Variants in CFAP92 observed in about 807,000 individuals in gnomAD.
CFAP92 encodes the protein uncharacterized protein CFAP92.
In CFAP92, 86 loss-of-function variants were observed where a neutral mutation model predicts 106.3. The observed-to-expected ratio is 0.81, with a 90% confidence interval of 0.68 to 0.97. The LOEUF is 0.97. Ranked by LOEUF, CFAP92 falls within the 50% of genes least tolerant of loss-of-function variation. CFAP92 has a pLI of 0.00. For missense variants in CFAP92, 1,204 were observed against 1,283.8 expected, an observed-to-expected ratio of 0.94 and a Z score of 0.95; for synonymous variants, 477 against 506.4, an observed-to-expected ratio of 0.94 and a Z score of 0.78.
At chr3:129,018,684 G>T in the CFAP92 span, among the ~76,000 whole-genome samples, 1 of 152,182 alleles carries the variant, frequency 6.6e-6, no homozygotes, top group East Asian at 1.9e-4. Flanking sequence ...ACTGGGCAGG[G>T]GCAGGGATGG....
chr3:128,938,896 G>A (rs1480241791), intron 10 of CFAP92, among the ~76,000 whole-genome samples: 1 of 152,024 alleles, frequency 6.6e-6, no homozygotes, highest in East Asian at 1.9e-4. Context: ...ATGACATGAT[G>A]GTCAGTGTAG....
chr3:129,021,064 C>T, the CFAP92 span, among the ~76,000 whole-genome samples: 1 of 152,148 alleles, frequency 6.6e-6, no homozygotes, highest in Non-Finnish European at 1.5e-5. Context: ...GAGGGTTTGC[C>T]TCAGTGACTG....
intron 12 of CFAP92, among the ~76,000 whole-genome samples, chr3:128,929,073 A>C (rs886130030): frequency 5.3e-5 from 8 of 152,226 alleles, no homozygotes; most frequent in Non-Finnish European, 4.4e-5. Flanking sequence ...AGCCTGGGTA[A>C]CACAGTGAGA....
chr3:128,982,531 G>A (rs115018821), intron 4 of CFAP92, among the ~76,000 whole-genome samples: 3,080 of 152,288 alleles, frequency 0.02, 117 homozygotes, highest in African/African-American at 0.07. Flanking sequence ...GGAGTAGCAC[G>A]TTTAACTTCC....
the CFAP92 span, among the ~76,000 whole-genome samples, chr3:129,015,421 G>T: frequency 1.8e-4 from 28 of 151,986 alleles, no homozygotes; most frequent in Non-Finnish European, 2.5e-4. Context: ...TGCTCCTTCG[G>T]GGGGGGAGGT....
chr3:128,960,448 C>T (rs1238593658), intron 9 of CFAP92, among the ~76,000 whole-genome samples: 1 of 152,220 alleles, frequency 6.6e-6, no homozygotes, highest in Non-Finnish European at 1.5e-5. Context: ...CACTATCCCT[C>T]AACCTCTTTC....
intron 7 of CFAP92, among the ~76,000 whole-genome samples, chr3:128,973,789 C>T (rs1401102167): frequency 6.6e-6 from 1 of 152,172 alleles, no homozygotes; most frequent in Non-Finnish European, 1.5e-5. Flanking sequence ...CATGTGTGCC[C>T]AGATGCTCAC....
chr3:128,911,110 G>A (rs2107667671), intron 15 of CFAP92, among the ~76,000 whole-genome samples: 1 of 152,358 alleles, frequency 6.6e-6, no homozygotes, highest in Non-Finnish European at 1.5e-5. Flanking sequence ...AAGCTGGAGT[G>A]TAATGGCGCA....
chr3:128,983,935 G>A (rs573026388), intron 4 of CFAP92, among the ~76,000 whole-genome samples: 1 of 152,360 alleles, frequency 6.6e-6, no homozygotes, highest in African/African-American at 2.4e-5. Context: ...CCGAAGGGGA[G>A]ACAGAGAAAG....
In CFAP92 at chr3:128,945,654, T is replaced by A; in HGVS notation, c.1675A>T (p.Met559Leu). 4 of 1,536,078 alleles carry A rather than the reference T, an allele frequency of 2.6e-6. No homozygotes were observed. Among genetic ancestry groups the A allele is most frequent in the Non-Finnish European group, 2.6e-6 (3 of 1,146,916 alleles). The stretch of plus-strand genomic sequence containing the variant: ...TGGGCGATGCCATAAGGGTACCACA[T>A]CTTGTTCTGGGACTCAAAGGGGTTG... ...ENNPFESQNK[M>L]WYPYGIAQVS... The change falls in exon 10 of 16, where the codon ATG (methionine) becomes TTG (leucine). Residue 559 changes from methionine to leucine, a missense_variant. Physicochemically the swap from Met to Leu is conservative, Grantham distance 15. Transcript: ENST00000645291.
the CFAP92 span, among the ~76,000 whole-genome samples, chr3:129,007,917 A>G: frequency 6.6e-6 from 1 of 152,106 alleles, no homozygotes; most frequent in Admixed American, 6.5e-5. Context: ...TCTCTTGTGG[A>G]TTGCTGTAAT....
chr3:129,018,818 C>T, the CFAP92 span, among the ~76,000 whole-genome samples: 1 of 152,256 alleles, frequency 6.6e-6, no homozygotes, highest in South Asian at 2.1e-4. Context: ...CTGTTTGCAC[C>T]CCATTGGCGG....
intron 15 of CFAP92, among the ~76,000 whole-genome samples, chr3:128,911,456 CAT>C (rs1363017167): frequency 6.6e-6 from 1 of 151,864 alleles, no homozygotes; most frequent in Non-Finnish European, 1.5e-5. Context: ...TTTTTGGAGA[CAT>C]AGTCTCACTT....
intron 9 of CFAP92, among the ~76,000 whole-genome samples, chr3:128,956,420 T>C (rs1941427242): frequency 1.3e-5 from 2 of 151,876 alleles, no homozygotes; most frequent in South Asian, 4.2e-4. Flanking sequence ...ATGGCTAAAA[T>C]TTTCTCAAAT....
At chr3:129,002,298 A>G in intron 1 of CFAP92, 2 of 1,526,692 alleles carry the variant, frequency 1.3e-6, no homozygotes, top group Non-Finnish European at 1.7e-6. Flanking sequence ...GCTGCAGAGC[A>G]GTGATGCGCG....
intron 10 of CFAP92, among the ~76,000 whole-genome samples, chr3:128,944,317 C>T (rs1262387883): frequency 6.6e-6 from 1 of 152,108 alleles, no homozygotes; most frequent in African/African-American, 2.4e-5. Flanking sequence ...TTTCACTTCT[C>T]CTGGGCTTAT....
chr3:128,963,286 G>A (rs866620642), intron 9 of CFAP92, among the ~76,000 whole-genome samples: 21 of 152,282 alleles, frequency 1.4e-4, no homozygotes, highest in South Asian at 6.2e-4. Flanking sequence ...ACCACACCGT[G>A]TAGCCTTTCT....
chr3:128,993,743 C>A, intron 1 of CFAP92: 1 of 285,934 alleles, frequency 3.5e-6, no homozygotes, highest in East Asian at 9.0e-5. Flanking sequence ...CAAACCAGGC[C>A]GGGGGCAGCA....
chr3:128,944,830 A>G (rs1316745678), intron 10 of CFAP92, among the ~76,000 whole-genome samples: 5 of 152,156 alleles, frequency 3.3e-5, no homozygotes, highest in African/African-American at 9.7e-5. Context: ...AACCCTGAAG[A>G]CAGGCCCCAC....
Sources: gnomAD v4.1 joint callset for allele counts (sites outside exome capture counted in the v4.1 genomes callset) on GRCh38, gnomAD v4.1.1 for gene constraint, MANE v1.5 for transcripts, NCBI Gene and HGNC (gene_info 2026-07-23, HGNC 2026-07-21) for gene names.